The following FAF1 variants were observed in gnomAD, a reference collection of about 807,000 sequenced individuals.
FAF1 encodes the protein Fas associated factor 1, also known as FAS-associated factor 1.
Under a neutral mutation model 92.5 loss-of-function variants are expected in FAF1, and 25 were observed. The ratio of observed to expected loss-of-function variants is 0.27; its 90% CI spans 0.20 to 0.38. The LOEUF (loss-of-function observed/expected upper bound fraction) is 0.38, where lower values mean the gene tolerates loss of function less well. FAF1 is among the 10% of genes least tolerant of loss of function. The pLI is 1.00. For missense variants in FAF1, 636 were observed against 793.3 expected, an observed-to-expected ratio of 0.80 and a Z score of 2.38; for synonymous variants, 234 against 273.2, an observed-to-expected ratio of 0.86 and a Z score of 1.42.
intron 6 of FAF1, among the ~76,000 whole-genome samples, chr1:50,714,382 G>A (rs1345806328): frequency 3.3e-5 from 5 of 151,472 alleles, no homozygotes; most frequent in South Asian, 2.1e-4. Flanking sequence ...GTGTGGTGGC[G>A]GCCGCCTGTA....
At chr1:50,541,930 T>C (rs1483569854) in intron 13 of FAF1, among the ~76,000 whole-genome samples, 2 of 152,304 alleles carry the variant, frequency 1.3e-5, no homozygotes, top group South Asian at 2.1e-4. Flanking sequence ...TTATTGGGTA[T>C]AAAATAATAT....
At chr1:50,514,488 A>T (rs1647182863) in intron 15 of FAF1, among the ~76,000 whole-genome samples, 1 of 152,232 alleles carries the variant, frequency 6.6e-6, no homozygotes, top group African/African-American at 2.4e-5. Context: ...TTGAGCCTTT[A>T]ATATAATGTT....
At chr1:50,752,291 G>A (rs1659900002) in intron 4 of FAF1, among the ~76,000 whole-genome samples, 2 of 152,106 alleles carry the variant, frequency 1.3e-5, no homozygotes, top group South Asian at 2.1e-4. Flanking sequence ...GGAAGGTTTT[G>A]ATTGACAATT....
At chr1:50,729,982 T>C (rs1389022860) in intron 6 of FAF1, among the ~76,000 whole-genome samples, 1 of 151,898 alleles carries the variant, frequency 6.6e-6, no homozygotes, top group Non-Finnish European at 1.5e-5. Context: ...GATTGAGCCA[T>C]TGCACTCCAG....
At chr1:50,883,816 G>A (rs529438870) in intron 1 of FAF1, among the ~76,000 whole-genome samples, 4 of 152,220 alleles carry the variant, frequency 2.6e-5, no homozygotes, top group South Asian at 2.1e-4. Flanking sequence ...TTACTGAGAC[G>A]TACAGTATTG....
chr1:50,905,430 T>A (rs1469589262), intron 1 of FAF1, among the ~76,000 whole-genome samples: 1 of 152,222 alleles, frequency 6.6e-6, no homozygotes, highest in African/African-American at 2.4e-5. Flanking sequence ...AAATGGTATT[T>A]CTAGTTCTAG....
intron 8 of FAF1, among the ~76,000 whole-genome samples, chr1:50,653,781 A>G (rs567660739): frequency 3.3e-5 from 5 of 152,212 alleles, no homozygotes; most frequent in African/African-American, 4.8e-5. Context: ...CAGGAGAATC[A>G]ATCGCTTGAA....
At chr1:50,606,638 T>G (rs952160759) in intron 8 of FAF1, among the ~76,000 whole-genome samples, 1 of 151,864 alleles carries the variant, frequency 6.6e-6, no homozygotes, top group Non-Finnish European at 1.5e-5. Context: ...TAGCTGGGAT[T>G]ATAGGGATGC....
intron 7 of FAF1, among the ~76,000 whole-genome samples, chr1:50,664,554 G>A (rs1655537348): frequency 2.0e-5 from 3 of 148,216 alleles, no homozygotes; most frequent in Admixed American, 2.0e-4. Flanking sequence ...ACGCTGGGAG[G>A]CCAAGGTGGG....
At chr1:50,836,191 G>GTTTTTTTTTTTTT (rs1644203084) in intron 2 of FAF1, among the ~76,000 whole-genome samples, 1 of 41,524 alleles carries the variant, frequency 2.4e-5, no homozygotes, top group Admixed American at 2.1e-4. Context: ...TTTTTTTTTA[G>GTTTTTTTTTTTTT]ACAGGGTCTC....
intron 15 of FAF1, among the ~76,000 whole-genome samples, chr1:50,497,157 G>T (rs750295410): frequency 2.0e-5 from 3 of 151,966 alleles, no homozygotes; most frequent in Non-Finnish European, 4.4e-5. Flanking sequence ...CTGAAAAGCA[G>T]CTGGAGAAAA....
intron 9 of FAF1, among the ~76,000 whole-genome samples, chr1:50,593,278 G>C (rs1274157300): frequency 1.3e-5 from 2 of 152,130 alleles, no homozygotes; most frequent in African/African-American, 2.4e-5. Flanking sequence ...TCACTATATG[G>C]AACTGACTTC....
chr1:50,593,934 A>AT (rs1435745827), intron 9 of FAF1, among the ~76,000 whole-genome samples: 1 of 152,212 alleles, frequency 6.6e-6, no homozygotes, highest in Non-Finnish European at 1.5e-5. Context: ...GAGCAACCAC[A>AT]TTTTGTATAG....
intron 13 of FAF1, among the ~76,000 whole-genome samples, chr1:50,545,013 AAC>A (rs1013217251): frequency 2.6e-5 from 4 of 151,922 alleles, no homozygotes; most frequent in South Asian, 2.1e-4. Context: ...TACATGGTAA[AAC>A]ACACACACAC....
chr1:50,494,042 T>A (rs1008332816), intron 15 of FAF1, among the ~76,000 whole-genome samples: 4 of 152,216 alleles, frequency 2.6e-5, no homozygotes, highest in Non-Finnish European at 5.9e-5. Context: ...TACTCACAGC[T>A]CTCTCTGACC....
intron 7 of FAF1, among the ~76,000 whole-genome samples, chr1:50,689,993 C>CTTTTTTTTTTTTTT (rs1159221059): frequency 8.2e-6 from 1 of 122,336 alleles, no homozygotes; most frequent in Non-Finnish European, 1.7e-5. Context: ...CATTATATTT[C>CTTTTTTTTTTTTTT]TTTTTTTTTT....
At chr1:50,807,065 CAG>C (rs1324037844) in intron 2 of FAF1, among the ~76,000 whole-genome samples, 1 of 152,010 alleles carries the variant, frequency 6.6e-6, no homozygotes, top group African/African-American at 2.4e-5. Context: ...ACGAAAGAAA[CAG>C]AATTGAAAGT....
chr1:50,672,307 C>T (rs1655930640), intron 7 of FAF1, among the ~76,000 whole-genome samples: 1 of 152,140 alleles, frequency 6.6e-6, no homozygotes, highest in Admixed American at 6.5e-5. Context: ...TCCCAAAGTG[C>T]TGGGATTACA....
chr1:50,947,045 T>C (rs922702431), intron 1 of FAF1, among the ~76,000 whole-genome samples: 2 of 152,194 alleles, frequency 1.3e-5, no homozygotes, highest in Non-Finnish European at 2.9e-5. Context: ...AAAAGATCAC[T>C]GTAAAGATTA....
Sources: gnomAD v4.1 joint callset for allele counts (sites outside exome capture counted in the v4.1 genomes callset) on GRCh38, gnomAD v4.1.1 for gene constraint, MANE v1.5 for transcripts, NCBI Gene and HGNC (gene_info 2026-07-23, HGNC 2026-07-21) for gene names.